DIS3L2: variants seen among roughly 807,000 people sequenced by gnomAD.
DIS3L2 encodes the protein DIS3 like 3'-5' exoribonuclease 2.
Under a neutral mutation model 97.5 loss-of-function variants are expected in DIS3L2, and 34 were observed. The observed-to-expected ratio is 0.35, with a 90% CI of 0.27 to 0.46. DIS3L2 has a LOEUF of 0.46. Ranked by LOEUF, DIS3L2 falls within the 20% of genes least tolerant of loss-of-function variation. The pLI is 1.00. For missense variants in DIS3L2, 1,038 were observed against 1,146.0 expected (o/e 0.91, Z 1.36); for synonymous variants, 435 against 445.2 (o/e 0.98, Z 0.29).
chr2:232,161,033 T>C (rs1690634403), intron 8 of DIS3L2, among the ~76,000 whole-genome samples: 1 of 152,162 alleles, frequency 6.6e-6, no homozygotes, highest in Non-Finnish European at 1.5e-5. Context: ...TTCTCCTGTC[T>C]AAGCCTCCAG....
intron 13 of DIS3L2, among the ~76,000 whole-genome samples, chr2:232,297,596 C>G (rs750707811): frequency 5.9e-5 from 9 of 151,972 alleles, no homozygotes; most frequent in Non-Finnish European, 7.4e-5. Context: ...TCTGTCAAAG[C>G]AGTGTATGCT....
intron 6 of DIS3L2, among the ~76,000 whole-genome samples, chr2:232,122,324 A>G (rs535011913): frequency 5.4e-4 from 82 of 152,322 alleles, no homozygotes; most frequent in Non-Finnish European, 9.8e-4. Flanking sequence ...TACATTTTAC[A>G]GACAAGGAAA....
intron 11 of DIS3L2, among the ~76,000 whole-genome samples, chr2:232,239,614 G>A (rs762328862): frequency 3.1e-4 from 47 of 152,280 alleles, no homozygotes; most frequent in African/African-American, 8.9e-4. Flanking sequence ...CCAAGCCCAT[G>A]CCCTAGGACA....
rs551022448 is a variant in DIS3L2, at chr2:232,330,212, C to T, written c.1923+216C>T. 3.3e-5 allele frequency among the ~76,000 whole-genome samples: 5 copies of T among 152,310 alleles called. No individual in the cohort carries two copies. In the East Asian group the frequency reaches 7.7e-4, roughly 23 times the overall value. On this transcript the variant is annotated intron_variant, in intron 15 of 20. Transcript: ENST00000325385. ...GCCCCTTCACCAGGACTGTGCCAAG[C>T]GGGGGGACCCTGGAGGCCTAGCAGA...
At chr2:232,275,462 G>T (rs1232596059) in intron 13 of DIS3L2, among the ~76,000 whole-genome samples, 1 of 152,142 alleles carries the variant, frequency 6.6e-6, no homozygotes, top group Non-Finnish European at 1.5e-5. Context: ...AGGTCCATGG[G>T]TGCCCAGGGA....
intron 9 of DIS3L2, among the ~76,000 whole-genome samples, chr2:232,176,811 T>C (rs1214887032): frequency 2.0e-5 from 3 of 150,460 alleles, no homozygotes; most frequent in Non-Finnish European, 3.0e-5. Context: ...TTATTATTAT[T>C]TTTTAAATTA....
At chr2:232,187,205 A>G (rs1442474972) in intron 9 of DIS3L2, among the ~76,000 whole-genome samples, 1 of 152,182 alleles carries the variant, frequency 6.6e-6, no homozygotes, top group Admixed American at 6.5e-5. Context: ...CCACAATGAG[A>G]TACCACTGTA....
chr2:232,329,460 C>T (rs1695668950), intron 14 of DIS3L2: 1 of 244,746 alleles, frequency 4.1e-6, no homozygotes, highest in Non-Finnish European at 7.8e-6. Flanking sequence ...AGAGATCTTT[C>T]CTCGGTGCCT....
intron 9 of DIS3L2, among the ~76,000 whole-genome samples, chr2:232,182,073 C>T (rs1691296891): frequency 6.6e-6 from 1 of 152,216 alleles, no homozygotes; most frequent in Admixed American, 6.5e-5. Context: ...TTTACAGCTA[C>T]TCCCTCCCTA....
chr2:232,044,429 G>T (rs897992411), intron 5 of DIS3L2, among the ~76,000 whole-genome samples: 1 of 152,142 alleles, frequency 6.6e-6, no homozygotes, highest in South Asian at 2.1e-4. Flanking sequence ...AGAAGCTGGG[G>T]TGACTCCTAC....
At chr2:232,063,522 A>G (rs77085655) in intron 5 of DIS3L2, among the ~76,000 whole-genome samples, 466 of 152,172 alleles carry the variant, frequency 3.1e-3, no homozygotes, top group African/African-American at 0.011. Context: ...AGCTGCAGTG[A>G]CACCTGTCTA....
intron 6 of DIS3L2, among the ~76,000 whole-genome samples, chr2:232,089,450 C>T (rs1288107184): frequency 6.6e-6 from 1 of 152,104 alleles, no homozygotes; most frequent in African/African-American, 2.4e-5. Context: ...TAAAAATAGT[C>T]GAATACTGTG....
chr2:232,211,108 C>T (rs966305581), intron 10 of DIS3L2, among the ~76,000 whole-genome samples: 1 of 151,638 alleles, frequency 6.6e-6, no homozygotes, highest in Non-Finnish European at 1.5e-5. Context: ...CCCTTCCAAT[C>T]CCTCCTCCTC....
chr2:232,019,953 A>G (rs1694466655), intron 3 of DIS3L2, among the ~76,000 whole-genome samples: 1 of 151,632 alleles, frequency 6.6e-6, no homozygotes, highest in South Asian at 2.1e-4. Context: ...CCTCTGTGAG[A>G]TGATCTGTGG....
intron 1 of DIS3L2, among the ~76,000 whole-genome samples, chr2:232,006,326 GT>G (rs767746205): frequency 1.2e-4 from 19 of 152,230 alleles, no homozygotes; most frequent in Non-Finnish European, 2.2e-4. Context: ...TACATACACC[GT>G]TGTAACAACC....
chr2:231,995,457 C>T (rs1451424669), intron 1 of DIS3L2, among the ~76,000 whole-genome samples: 2 of 152,004 alleles, frequency 1.3e-5, no homozygotes, highest in African/African-American at 2.4e-5. Flanking sequence ...TTTCCTTCAC[C>T]AGCTGGTGTA....
At chr2:232,266,317 G>GT (rs1693857252) in intron 13 of DIS3L2, among the ~76,000 whole-genome samples, 1 of 152,324 alleles carries the variant, frequency 6.6e-6, no homozygotes, top group South Asian at 2.1e-4. Flanking sequence ...CAATTTATCA[G>GT]TTAGAGAGCT....
intron 13 of DIS3L2, among the ~76,000 whole-genome samples, chr2:232,265,874 T>C (rs2633262): frequency 0.55 from 84,139 of 152,094 alleles, 26,121 homozygotes; most frequent in East Asian, 0.85. Context: ...GAAAAGACTA[T>C]GTAGAATTCC....
At chr2:232,095,407 TA>T (rs773463947) in intron 6 of DIS3L2, among the ~76,000 whole-genome samples, 4 of 152,228 alleles carry the variant, frequency 2.6e-5, no homozygotes, top group Non-Finnish European at 5.9e-5. Context: ...TTACTGTTTT[TA>T]TAAATAAATA....
Sources: allele counts gnomAD v4.1 joint callset (sites outside exome capture counted in the v4.1 genomes callset), GRCh38; gene constraint gnomAD v4.1.1; transcripts MANE v1.5; gene names NCBI Gene and HGNC (gene_info 2026-07-23, HGNC 2026-07-21).